Variants in TAF3 observed in about 807,000 individuals in gnomAD.
The protein encoded by TAF3 is TATA-box binding protein associated factor 3, also known as transcription initiation factor TFIID subunit 3.
A neutral mutation model predicts 80.6 loss-of-function variants in TAF3; 7 were observed. The ratio of observed to expected loss-of-function variants is 0.09; its 90% CI spans 0.05 to 0.16. The LOEUF is 0.16. Ranked by LOEUF, TAF3 falls within the 10% of genes least tolerant of loss-of-function variation. TAF3 has a pLI of 1.00. For missense variants in TAF3, 921 were observed against 1,140.2 expected, an observed-to-expected ratio of 0.81 and a Z score of 2.77; for synonymous variants, 444 against 446.1, an observed-to-expected ratio of 1.00 and a Z score of 0.06.
intron 2 of TAF3, among the ~76,000 whole-genome samples, chr10:7,844,838 G>A (rs1400726911): frequency 6.6e-6 from 1 of 151,694 alleles, no homozygotes; most frequent in Non-Finnish European, 1.5e-5. Context: ...TTGTTCCTGT[G>A]TATTTTTTGT....
chr10:7,860,275 G>GGAAAAAAAAAAGAA (rs1309671110), intron 2 of TAF3, among the ~76,000 whole-genome samples: 8 of 146,716 alleles, frequency 5.5e-5, no homozygotes, highest in African/African-American at 1.0e-4. Flanking sequence ...GACCCTGTCT[G>GGAAAAAAAAAAGAA]GAAAAAAAAA....
chr10:8,004,816 G>C (rs892076078), intron 4 of TAF3, among the ~76,000 whole-genome samples: 3 of 152,020 alleles, frequency 2.0e-5, no homozygotes, highest in Non-Finnish European at 4.4e-5. Flanking sequence ...TCTGTGGATT[G>C]GTATCTTTCG....
At chr10:7,983,575 A>G (rs537771049) in intron 4 of TAF3, among the ~76,000 whole-genome samples, 2 of 152,324 alleles carry the variant, frequency 1.3e-5, no homozygotes, top group East Asian at 1.9e-4. Flanking sequence ...AAAAACAACA[A>G]CAACAACACA....
intron 2 of TAF3, among the ~76,000 whole-genome samples, chr10:7,928,468 C>T (rs985238171): frequency 6.6e-6 from 1 of 152,152 alleles, no homozygotes; most frequent in Non-Finnish European, 1.5e-5. Context: ...TGGAAATCTT[C>T]AAATTGTGTC....
At chr10:8,007,550 CTG>C (rs1367653837) in intron 4 of TAF3, among the ~76,000 whole-genome samples, 50 of 119,818 alleles carry the variant, frequency 4.2e-4, no homozygotes, top group African/African-American at 1.6e-3. Context: ...ATTGTTTTCT[CTG>C]TGTGTGAAAT....
At chr10:7,829,304 A>G (rs2131102750) in intron 2 of TAF3, among the ~76,000 whole-genome samples, 1 of 152,306 alleles carries the variant, frequency 6.6e-6, no homozygotes, top group Non-Finnish European at 1.5e-5. Flanking sequence ...ATCACAATTA[A>G]TGAACAATAT....
intron 4 of TAF3, among the ~76,000 whole-genome samples, chr10:7,979,468 C>G (rs1004428850): frequency 2.6e-5 from 4 of 151,708 alleles, no homozygotes; most frequent in Non-Finnish European, 4.4e-5. Flanking sequence ...CAATAAATCA[C>G]TCATACACCT....
In TAF3 at chr10:7,868,792, T is replaced by C. The variant is rs773524697; in HGVS notation, c.409+44232T>C. Among the ~76,000 whole-genome samples, 49 of 152,326 alleles carry C rather than the reference T, an allele frequency of 3.2e-4. 1 individual carries two copies. The highest frequency in any genetic ancestry group is 3.4e-3 in the Middle Eastern group (1 of 294). On this transcript the variant is annotated intron_variant, in intron 2 of 6. Transcript: ENST00000344293. ...AACAAGAACAGTAATACATTTAATA[T>C]AATAATTATGATTTTGTTATCTGTT...
intron 2 of TAF3, chr10:7,833,855 C>T: frequency 1.2e-6 from 1 of 816,588 alleles, no homozygotes; most frequent in Non-Finnish European, 1.7e-6. Context: ...GGACCGAGGG[C>T]TTCCTGGGGA....
At chr10:8,008,716 C>G (rs1832020498) in intron 4 of TAF3, among the ~76,000 whole-genome samples, 1 of 146,380 alleles carries the variant, frequency 6.8e-6, no homozygotes, top group South Asian at 2.1e-4. Flanking sequence ...CCCTGTCAGG[C>G]CCCCCCGAGG....
At chr10:7,899,005 C>A (rs1837533232) in intron 2 of TAF3, among the ~76,000 whole-genome samples, 1 of 152,072 alleles carries the variant, frequency 6.6e-6, no homozygotes, top group Non-Finnish European at 1.5e-5. Context: ...AATGTCAGTT[C>A]CCATAGGTTT....
At chr10:7,909,892 C>T (rs1178333976) in intron 2 of TAF3, among the ~76,000 whole-genome samples, 1 of 152,100 alleles carries the variant, frequency 6.6e-6, no homozygotes, top group Non-Finnish European at 1.5e-5. Context: ...GATTCCAGGA[C>T]CCCTGCAGAT....
chr10:7,966,648 T>C (rs759958476), intron 3 of TAF3, among the ~76,000 whole-genome samples: 17 of 152,182 alleles, frequency 1.1e-4, no homozygotes, highest in Non-Finnish European at 1.5e-4. Context: ...CTAAAAGTTA[T>C]CTTCTTTGAG....
intron 5 of TAF3, among the ~76,000 whole-genome samples, chr10:8,012,485 C>T (rs1025283979): frequency 8.5e-5 from 13 of 152,192 alleles, no homozygotes; most frequent in South Asian, 2.1e-4. Flanking sequence ...AGTTCTTGTG[C>T]GGCACACAGA....
intron 4 of TAF3, among the ~76,000 whole-genome samples, chr10:7,983,008 C>G (rs898023961): frequency 1.3e-5 from 2 of 151,572 alleles, no homozygotes; most frequent in Non-Finnish European, 2.9e-5. Context: ...AAATCCAAAT[C>G]AAACCGTCTT....
intron 2 of TAF3, among the ~76,000 whole-genome samples, chr10:7,950,499 G>A (rs1406526054): frequency 6.6e-6 from 1 of 152,200 alleles, no homozygotes; most frequent in Non-Finnish European, 1.5e-5. Context: ...TAGTGTTTTA[G>A]TTCATGAAGC....
At chr10:7,898,085 A>G (rs913854111) in intron 2 of TAF3, among the ~76,000 whole-genome samples, 1 of 151,154 alleles carries the variant, frequency 6.6e-6, no homozygotes, top group African/African-American at 2.4e-5. Flanking sequence ...GCTTTTCTTG[A>G]TTTTATCTAT....
intron 4 of TAF3, among the ~76,000 whole-genome samples, chr10:7,995,002 A>G (rs371127555): frequency 1.3e-5 from 2 of 151,490 alleles, no homozygotes; most frequent in African/African-American, 2.4e-5. Context: ...AAAAGAAAAA[A>G]GAAATCCTGA....
chr10:8,009,133 A>G lies in TAF3; in HGVS notation c.2371A>G (p.Arg791Gly), dbSNP rs375662994. ...GGCCAAGCCGGCGCCCTCGCAGAAC[A>G]GGCCGAAGACCCCACCGCCGGCCCC... ...PEAKPAPSQNRPKTPPPAPAP... is the reference protein window; with the variant it reads ...PEAKPAPSQNGPKTPPPAPAP... Residue 791 changes from arginine to glycine, a missense_variant, in exon 5 of 7, where the codon AGG becomes GGG. Around this residue, in one of 6 missense-constraint regions of TAF3, gnomAD observed 743 missense variants for 821.0 expected, o/e 0.90. Transcript: ENST00000344293. The surrounding 1 kb of genome is among the most constrained non-coding windows in gnomAD (Gnocchi z 4.1). 45 of 1,597,016 alleles carry G rather than the reference A, an allele frequency of 2.8e-5. No individual in the cohort carries two copies. Among genetic ancestry groups the G allele is most frequent in the Non-Finnish European group, 3.8e-5 (44 of 1,172,616 alleles).
Sources: gnomAD v4.1 joint callset for allele counts (sites outside exome capture counted in the v4.1 genomes callset) on GRCh38, gnomAD v4.1.1 for gene constraint, gnomAD v4.1.1 regional missense constraint, Gnocchi (gnomAD v3.1) non-coding constraint, MANE v1.5 for transcripts, NCBI Gene and HGNC (gene_info 2026-07-23, HGNC 2026-07-21) for gene names.